LYZL2: variants seen among roughly 807,000 people sequenced by gnomAD.
The protein encoded by LYZL2 is lysozyme like 2.
LYZL2 carries 13 observed loss-of-function variants against 17.1 expected under a neutral mutation model. The ratio of observed to expected loss-of-function variants is 0.76; its 90% CI spans 0.49 to 1.21. The LOEUF is 1.21. Among genes scored for constraint, LYZL2 ranks in the 50% most tolerant of loss-of-function variants. The probability of loss-of-function intolerance (pLI) is 0.00; values close to 1 mark genes in which losing one functional copy is unlikely to be tolerated. For missense variants in LYZL2, 166 were observed against 189.2 expected (o/e 0.88, Z 0.72); for synonymous variants, 63 against 74.4 (o/e 0.85, Z 0.79).
At chr10:30,620,957 C>T (rs1281615362) in intron 3 of LYZL2, among the ~76,000 whole-genome samples, 1 of 151,708 alleles carries the variant, frequency 6.6e-6, no homozygotes, top group African/African-American at 2.4e-5. Flanking sequence ...AAACGAGGAA[C>T]CTCAATGATG....
chr10:30,617,779 C>T (rs1838558474), intron 3 of LYZL2, among the ~76,000 whole-genome samples: 2 of 151,794 alleles, frequency 1.3e-5, no homozygotes, highest in South Asian at 4.2e-4. Context: ...CAGGGATGTC[C>T]TCTCTCACCA....
chr10:30,610,843 A>G (rs1588671657), downstream of LYZL2, among the ~76,000 whole-genome samples: 1 of 152,314 alleles, frequency 6.6e-6, no homozygotes, highest in East Asian at 1.9e-4. Flanking sequence ...TACAGAAAAT[A>G]CAACTAAAAA....
chr10:30,616,833 G>A (rs1326967799), intron 3 of LYZL2, among the ~76,000 whole-genome samples: 1 of 142,838 alleles, frequency 7.0e-6, no homozygotes, highest in Non-Finnish European at 1.5e-5. Context: ...CCTGCTCATG[G>A]AACACTATAT....
At chr10:30,611,459 A>T (rs1390916049), downstream of LYZL2, among the ~76,000 whole-genome samples, 1 of 147,202 alleles carries the variant, frequency 6.8e-6, no homozygotes, top group Non-Finnish European at 1.5e-5. Flanking sequence ...AAATCGTACG[A>T]CTGCACTCCA....
chr10:30,611,116 C>T (rs750819299), downstream of LYZL2, among the ~76,000 whole-genome samples: 4 of 152,048 alleles, frequency 2.6e-5, no homozygotes, highest in Non-Finnish European at 4.4e-5. Context: ...TTCGAATGGC[C>T]ACAGGAACCA....
intron 3 of LYZL2, among the ~76,000 whole-genome samples, chr10:30,623,642 T>G (rs1305607979): frequency 6.6e-6 from 1 of 152,216 alleles, no homozygotes; most frequent in East Asian, 1.9e-4. Flanking sequence ...ATCTAATGCC[T>G]GATGATCCGT....
Position 30,626,231 on chromosome 10 carries a change from T to A in LYZL2, c.172A>T (p.Asn58Tyr). The A allele has an allele frequency of 6.2e-7, 1 of 1,614,200 alleles. No homozygotes were observed. The highest frequency in any genetic ancestry group is 8.5e-7 in the Non-Finnish European group (1 of 1,180,018). Residue 58 changes from asparagine (N) to tyrosine (Y), a missense_variant, in exon 3 of 5, where the codon AAC (asparagine) becomes TAC (tyrosine). This residue lies in a region of LYZL2 where 134 missense variants were observed against 129.4 expected (regional missense o/e 1.04). Transcript: ENST00000647634. Reference sequence around the variant, plus strand: ...TCCAGGACCGTCTGGGCTGTGGTGTTGTAGCCGCTCTCATAATACGCCATG... The same window carrying A: ...TCCAGGACCGTCTGGGCTGTGGTGTAGTAGCCGCTCTCATAATACGCCATG... ...ICMAYYESGY[N>Y]TTAQTVLDDG...
At chr10:30,620,200 C>T (rs1403734662) in intron 3 of LYZL2, among the ~76,000 whole-genome samples, 1 of 152,036 alleles carries the variant, frequency 6.6e-6, no homozygotes, top group Non-Finnish European at 1.5e-5. Context: ...AAAACAGATC[C>T]CTGGGTGGAG....
downstream of LYZL2, among the ~76,000 whole-genome samples, chr10:30,611,329 G>T (rs1435049432): frequency 6.6e-6 from 1 of 151,764 alleles, no homozygotes; most frequent in South Asian, 2.1e-4. Flanking sequence ...TTGAGACCAG[G>T]CTGGGCAACA....
At chr10:30,629,504 C>A in intron 1 of LYZL2, 89 bp downstream of exon 1, 1 of 1,344,400 alleles carries the variant, frequency 7.4e-7, no homozygotes, top group Non-Finnish European at 1.0e-6. Flanking sequence ...GCAATGATAA[C>A]CCCAAGCATC....
At chr10:30,611,099 G>A (rs765474530), downstream of LYZL2, among the ~76,000 whole-genome samples, 18 of 152,090 alleles carry the variant, frequency 1.2e-4, no homozygotes, top group Non-Finnish European at 2.1e-4. Context: ...TTTCGAATGA[G>A]TCTTATTTCG....
At chr10:30,614,591 A>G (rs1285742967) in intron 3 of LYZL2, among the ~76,000 whole-genome samples, 1 of 152,242 alleles carries the variant, frequency 6.6e-6, no homozygotes, top group African/African-American at 2.4e-5. Flanking sequence ...CCAATCAAGG[A>G]CAAAAATACT....
chr10:30,627,305 C>T (rs527782804), intron 1 of LYZL2, among the ~76,000 whole-genome samples: 3 of 151,804 alleles, frequency 2.0e-5, no homozygotes, highest in African/African-American at 7.3e-5. Flanking sequence ...ATACTGCTGA[C>T]CCTTGAACAT....
chr10:30,609,599 G>A (rs919770177), downstream of LYZL2, among the ~76,000 whole-genome samples: 2 of 152,202 alleles, frequency 1.3e-5, no homozygotes, highest in Non-Finnish European at 2.9e-5. Context: ...CCCACAGAAA[G>A]CATGTCCCCA....
intron 3 of LYZL2, among the ~76,000 whole-genome samples, chr10:30,617,331 C>T (rs115297575): frequency 0.036 from 5,542 of 152,184 alleles, 136 homozygotes; most frequent in South Asian, 0.051. Context: ...CATTTTGTTG[C>T]ACAATTGGGA....
intron 3 of LYZL2, among the ~76,000 whole-genome samples, chr10:30,624,770 C>A (rs1564409850): frequency 6.6e-6 from 1 of 152,152 alleles, no homozygotes. Context: ...GAACTCCTGG[C>A]CTAAGGTGAC....
At chr10:30,619,099 G>C (rs1243296072) in intron 3 of LYZL2, among the ~76,000 whole-genome samples, 2 of 152,236 alleles carry the variant, frequency 1.3e-5, no homozygotes, top group Non-Finnish European at 2.9e-5. Context: ...CTGGCCATCA[G>C]AGAAATGCAA....
chr10:30,607,101 G>A (rs1036605732), downstream of LYZL2, among the ~76,000 whole-genome samples: 71 of 111,424 alleles, frequency 6.4e-4, no homozygotes, highest in African/African-American at 2.3e-3. Context: ...TAGTGGAGAC[G>A]GGGTTTCACC....
At position 30,611,935 on chromosome 10, in the gene LYZL2, A is replaced by C; in HGVS notation, c.*20T>G. ...AAACCCTAGGGCGTTGCTGCAAAGCATCCTGGGTCCAGTTCCAGTTTAGGA... is the reference window on the plus strand; with the variant it reads ...AAACCCTAGGGCGTTGCTGCAAAGCCTCCTGGGTCCAGTTCCAGTTTAGGA... On this transcript the variant is annotated 3_prime_UTR_variant, in exon 5 of 5. Transcript: ENST00000647634. 6.2e-7 allele frequency: 1 copy of C among 1,614,226 alleles called. No homozygotes were observed. The highest frequency in any genetic ancestry group is 8.5e-7 in the Non-Finnish European group (1 of 1,180,048).
Sources: gnomAD v4.1 joint callset for allele counts (sites outside exome capture counted in the v4.1 genomes callset) on GRCh38, gnomAD v4.1.1 for gene constraint, gnomAD v4.1.1 regional missense constraint, MANE v1.5 for transcripts, NCBI Gene and HGNC (gene_info 2026-07-23, HGNC 2026-07-21) for gene names.